DCC: variants seen among roughly 807,000 people sequenced by gnomAD.
DCC encodes netrin receptor DCC.
A neutral mutation model predicts 172.5 loss-of-function variants in DCC; 58 were observed. The observed-to-expected ratio is 0.34, with a 90% CI of 0.27 to 0.42. The LOEUF (loss-of-function observed/expected upper bound fraction) is 0.42, where lower values mean the gene tolerates loss of function less well. Among genes scored for constraint, DCC ranks in the 10% least tolerant of loss-of-function variants. The pLI, the probability that DCC is intolerant of heterozygous loss-of-function variation, is 1.00. For missense variants in DCC, 1,740 were observed against 1,791.0 expected, an observed-to-expected ratio of 0.97 and a Z score of 0.51; for synonymous variants, 709 against 644.5, an observed-to-expected ratio of 1.10 and a Z score of -1.52.
chr18:52,340,508 G>C lies in DCC; in HGVS notation c.-280G>C, dbSNP rs1983577232. On this transcript the variant is annotated 5_prime_UTR_variant, in exon 1 of 29. The change abolishes the stop of an existing upstream ORF in the 5' untranslated region. Transcript: ENST00000442544. ...TGGCTCCCTCCGTTTCCTTGAGTTA[G>C]TTTTCTAAGGTTTTACCGGGGCTCG... The C allele has an allele frequency of 1.9e-6, 1 of 530,160 alleles. No homozygotes were observed. The highest frequency in any genetic ancestry group is 1.9e-5 in the African/African-American group (1 of 52,400). 32.8% of individuals were successfully genotyped at this position (530,160 alleles called of 1,614,324 possible). A position where few individuals can be genotyped will look rare whatever the true frequency, so the allele number is the denominator to read the frequency against.
chr18:53,138,409 A>G (rs2043779406), intron 7 of DCC, among the ~76,000 whole-genome samples: 1 of 152,254 alleles, frequency 6.6e-6, no homozygotes, highest in Non-Finnish European at 1.5e-5. Context: ...CCTACTATTC[A>G]TAAAGTCAAA....
At chr18:53,245,971 G>A (rs986416265) in intron 12 of DCC, among the ~76,000 whole-genome samples, 1 of 152,038 alleles carries the variant, frequency 6.6e-6, no homozygotes, top group East Asian at 1.9e-4. Flanking sequence ...TACCTTCACA[G>A]GTCTGCCTGG....
At chr18:52,824,831 AT>A (rs1189636788) in intron 2 of DCC, among the ~76,000 whole-genome samples, 1 of 152,074 alleles carries the variant, frequency 6.6e-6, no homozygotes, top group African/African-American at 2.4e-5. Context: ...TTAGCCAGGC[AT>A]GGTGACAGGT....
chr18:52,500,557 T>G (rs1380503582), intron 1 of DCC, among the ~76,000 whole-genome samples: 1 of 152,200 alleles, frequency 6.6e-6, no homozygotes, highest in Admixed American at 6.5e-5. Context: ...CTAATAAGTA[T>G]GTCTTTATGC....
chr18:52,488,838 G>A (rs1333849089), intron 1 of DCC, among the ~76,000 whole-genome samples: 1 of 152,046 alleles, frequency 6.6e-6, no homozygotes, highest in Non-Finnish European at 1.5e-5. Context: ...TGCCCTAAAT[G>A]TGAAAAGAAT....
intron 1 of DCC, among the ~76,000 whole-genome samples, chr18:52,715,230 AT>A (rs2036358337): frequency 1.3e-5 from 2 of 151,254 alleles, no homozygotes; most frequent in Non-Finnish European, 2.9e-5. Flanking sequence ...AAATATATAT[AT>A]ATATCTGCTA....
chr18:53,302,863 C>T lies in DCC; in HGVS notation c.1912-2715C>T, dbSNP rs544364784. Among the ~76,000 whole-genome samples, 217 of 152,142 alleles carry T rather than the reference C, an allele frequency of 1.4e-3. 1 individual carries two copies. Among genetic ancestry groups the T allele is most frequent in the Admixed American group, 2.0e-3 (31 of 15,284 alleles). On this transcript the variant is annotated intron_variant, in intron 12 of 28. Coordinates refer to ENST00000442544, the MANE Select transcript of DCC (RefSeq NM_005215.4). ...CATGTTTTATGTGACCTGCTTTTTT[C>T]CCCTTCATTCTGGAAACTTGTGGAT...
chr18:52,627,550 G>A (rs959183066), intron 1 of DCC, among the ~76,000 whole-genome samples: 5 of 152,288 alleles, frequency 3.3e-5, no homozygotes, highest in South Asian at 2.1e-4. Flanking sequence ...AAATTATTTT[G>A]TTTTATAAGA....
At chr18:52,764,672 A>G (rs1035937732) in intron 2 of DCC, among the ~76,000 whole-genome samples, 1 of 152,214 alleles carries the variant, frequency 6.6e-6, no homozygotes, top group African/African-American at 2.4e-5. Context: ...TGTTGGCACC[A>G]TGTTTCTTGC....
intron 1 of DCC, among the ~76,000 whole-genome samples, chr18:52,406,832 C>T (rs985571392): frequency 6.6e-6 from 1 of 152,008 alleles, no homozygotes; most frequent in Non-Finnish European, 1.5e-5. Flanking sequence ...TAGGTAGATT[C>T]AGTATGATAT....
At chr18:53,029,058 C>T (rs950468834) in intron 5 of DCC, among the ~76,000 whole-genome samples, 1 of 148,262 alleles carries the variant, frequency 6.7e-6, no homozygotes, top group African/African-American at 2.6e-5. Context: ...TTCATATGAG[C>T]CATATTTTGT....
At chr18:52,424,562 G>A (rs1388087494) in intron 1 of DCC, among the ~76,000 whole-genome samples, 1 of 152,160 alleles carries the variant, frequency 6.6e-6, no homozygotes, top group African/African-American at 2.4e-5. Context: ...AATTATAGAT[G>A]TTTTGAGCCA....
At position 52,686,224 on chromosome 18, in the gene DCC, A is replaced by C. The variant is rs78943013; in HGVS notation, c.92-65830A>C. On this transcript the variant is annotated intron_variant, in intron 1 of 28. Transcript: ENST00000442544. Reference sequence around the variant, plus strand: ...CTTCTTGATGGTCAGGGCACACTTAACACTTACTCCTGTTAGGTTATTCAG... The same window carrying C: ...CTTCTTGATGGTCAGGGCACACTTACCACTTACTCCTGTTAGGTTATTCAG... Among the ~76,000 whole-genome samples the C allele has an allele frequency of 1.8e-3, 267 of 151,624 alleles. 3 individuals are homozygous for C. In the East Asian group the frequency reaches 0.04, roughly 23 times the overall value.
chr18:52,508,836 A>T (rs1291307507), intron 1 of DCC, among the ~76,000 whole-genome samples: 1 of 152,244 alleles, frequency 6.6e-6, no homozygotes, highest in South Asian at 2.1e-4. Context: ...TTACAGATGA[A>T]AAAAGGCTAT....
At chr18:53,199,004 G>A (rs1049828329) in intron 9 of DCC, among the ~76,000 whole-genome samples, 1 of 151,934 alleles carries the variant, frequency 6.6e-6, no homozygotes, top group Non-Finnish European at 1.5e-5. Flanking sequence ...AAAATGTAAT[G>A]AAATGGAAGG....
chr18:52,451,344 A>T (rs1403191551), intron 1 of DCC, among the ~76,000 whole-genome samples: 1 of 152,344 alleles, frequency 6.6e-6, no homozygotes, highest in East Asian at 1.9e-4. Context: ...TGTTAGAGTC[A>T]AACAGATTTA....
chr18:52,519,113 C>A (rs563390929), intron 1 of DCC, among the ~76,000 whole-genome samples: 9 of 152,324 alleles, frequency 5.9e-5, no homozygotes, highest in Admixed American at 2.6e-4. Flanking sequence ...GACAACTTTT[C>A]TATTTATTAG....
chr18:52,382,339 T>A (rs1985620495), intron 1 of DCC, among the ~76,000 whole-genome samples: 1 of 152,070 alleles, frequency 6.6e-6, no homozygotes, highest in Non-Finnish European at 1.5e-5. Flanking sequence ...GAAACAAAAG[T>A]TTTATAAAGC....
At chr18:52,819,413 G>A (rs9304433) in intron 2 of DCC, among the ~76,000 whole-genome samples, 1 of 152,042 alleles carries the variant, frequency 6.6e-6, no homozygotes, top group Non-Finnish European at 1.5e-5. Flanking sequence ...GAATGAAATG[G>A]AAGATATTAC....
Sources: allele counts gnomAD v4.1 joint callset (sites outside exome capture counted in the v4.1 genomes callset), GRCh38; gene constraint gnomAD v4.1.1; transcripts MANE v1.5; gene names NCBI Gene and HGNC (gene_info 2026-07-23, HGNC 2026-07-21).